Variants in UBN1 observed in about 807,000 individuals in gnomAD.
The protein encoded by UBN1 is ubinuclein 1, also known as ubinuclein-1.
A neutral mutation model predicts 108.5 loss-of-function variants in UBN1; 17 were observed. That is an observed-to-expected ratio of 0.16 (90% CI 0.11 to 0.24). The LOEUF (loss-of-function observed/expected upper bound fraction) is 0.24. Among genes scored for constraint, UBN1 ranks in the 10% least tolerant of loss-of-function variants. The pLI is 1.00. For synonymous variants in UBN1, 726 were observed against 564.2 expected (o/e 1.29, Z -4.07); for missense variants, 1,595 against 1,394.4 (o/e 1.14, Z -2.29).
Position 4,880,380 on chromosome 16 carries a change from AG to A in UBN1, c.*252del, listed in dbSNP as rs958733776. On this transcript the variant is annotated 3_prime_UTR_variant, in exon 18 of 18. Coordinates refer to ENST00000262376, the MANE Select transcript of UBN1 (RefSeq NM_001079514.3). ...AGCTCTGTCGCTAGACGGTTGTTAG[AG>A]GGGCAGCTCTAGGCTGGGGCTTGCG... The A allele has an allele frequency of 2.0e-4, 100 of 503,728 alleles. No individual in the cohort carries two copies. The highest frequency in any genetic ancestry group is 1.7e-3 in the African/African-American group (89 of 52,224). The allele number at this position is 503,728 out of a possible 1,614,324, so 31.2% of individuals were successfully genotyped here. A position where few individuals can be genotyped will look rare whatever the true frequency, so the allele number is the denominator to read the frequency against.
rs3210668 is a variant in UBN1, at chr16:4,881,038, G to A, written c.*906G>A. The stretch of plus-strand genomic sequence containing the variant: ...ATTATCTGTGCCGTCCTGACTAGAA[G>A]GTTGTCTGGGCCCCCAAATTCCAAG... On this transcript the variant is annotated 3_prime_UTR_variant, in exon 18 of 18. Transcript: ENST00000262376. 6.6e-6 allele frequency: 1 copy of A among 152,482 alleles called. No individual in the cohort carries two copies. The highest frequency in any genetic ancestry group is 1.9e-4 in the East Asian group (1 of 5,188). 9.4% of individuals were successfully genotyped at this position (152,482 alleles called of 1,614,324 possible). A position where few individuals can be genotyped will look rare whatever the true frequency, so the allele number is the denominator to read the frequency against.
At position 4,861,030 on chromosome 16, in the gene UBN1, A is replaced by T; in HGVS notation, c.1038A>T (p.Glu346Asp). Reference sequence around the variant, plus strand: ...CCCTTGGGGTGGGATTGGACCAGGAATTCAGGCAGCCCTCTTCTCTCCCCG... The same window carrying T: ...CCCTTGGGGTGGGATTGGACCAGGATTTCAGGCAGCCCTCTTCTCTCCCCG... ...SDSLGVGLDQ[E>D]FRQPSSLPEG... The change falls in exon 7 of 18, where the codon GAA (glutamate) becomes GAT (aspartate). Residue 346 changes from glutamate (E) to aspartate (D), a missense_variant. By Grantham distance (45) the Glu-to-Asp change is conservative (BLOSUM62 2). Transcript: ENST00000262376. The T allele has an allele frequency of 1.2e-6, 2 of 1,614,174 alleles. No individual in the cohort carries two copies. Among genetic ancestry groups the T allele is most frequent in the Non-Finnish European group, 1.7e-6 (2 of 1,180,044 alleles).
In UBN1 at chr16:4,875,011, C is replaced by T; in HGVS notation, c.2601C>T (p.Ala867=). The T allele has an allele frequency of 1.2e-6, 2 of 1,614,124 alleles. No individual in the cohort carries two copies. Among genetic ancestry groups the T allele is most frequent in the Non-Finnish European group, 1.7e-6 (2 of 1,180,046 alleles). Residue 867 remains alanine (A), a synonymous_variant, in exon 15 of 18, where the codon GCC becomes GCT. Coordinates refer to ENST00000262376, the MANE Select transcript of UBN1 (RefSeq NM_001079514.3). ...CAGCCACCTCAGGAGGCCTGTCAGC[C>T]TCCAGCAGCAGCTCTCACAAGACCC... The part of the protein sequence containing the change: ...SAPATSGGLS[A]SSSSSHKTPA...
In UBN1 at chr16:4,876,606, C is replaced by T. The variant is rs180691250; in HGVS notation, c.3025-265C>T. On this transcript the variant is annotated intron_variant, in intron 15 of 17. Coordinates refer to ENST00000262376, the MANE Select transcript of UBN1 (RefSeq NM_001079514.3). ...GCAGTAGCGCGATCACAGCTCACTG[C>T]AACCTCTGTAGGAGACATATTTAAT... 1.3e-3 allele frequency among the ~76,000 whole-genome samples: 196 copies of T among 152,060 alleles called. 1 individual carries two copies. Among genetic ancestry groups the T allele is most frequent in the Middle Eastern group, 6.8e-3 (2 of 294 alleles).
At chr16:4,876,270 A>G (rs2087880225) in intron 15 of UBN1, among the ~76,000 whole-genome samples, 1 of 152,032 alleles carries the variant, frequency 6.6e-6, no homozygotes, top group African/African-American at 2.4e-5. Flanking sequence ...TTTTTCTAAT[A>G]TATAAATGAA....
rs2088071627 is a variant in UBN1, at chr16:4,881,378, G to C, written c.*1246G>C. On this transcript the variant is annotated 3_prime_UTR_variant, in exon 18 of 18. Coordinates refer to ENST00000262376, the MANE Select transcript of UBN1 (RefSeq NM_001079514.3). ...GAGAGACTAGGACAGTTACTGCAGA[G>C]CTCCTAAGTCACCACTCAACCAGTG... is the stretch of plus-strand genomic sequence containing the variant. 6.6e-6 allele frequency: 1 copy of C among 152,304 alleles called. No individual in the cohort carries two copies. Among genetic ancestry groups the C allele is most frequent in the African/African-American group, 2.4e-5 (1 of 41,434 alleles). The allele number at this position is 152,304 out of a possible 1,614,324, so 9.4% of individuals were successfully genotyped here.
intron 7 of UBN1, among the ~76,000 whole-genome samples, chr16:4,865,013 C>G (rs1044904037): frequency 2.0e-5 from 3 of 152,182 alleles, no homozygotes; most frequent in African/African-American, 7.2e-5. Context: ...AATAAAACAG[C>G]TCATTAAAAG....
Position 4,870,265 on chromosome 16 carries a change from C to T in UBN1, c.1235C>T (p.Ala412Val). The change falls in exon 9 of 18, where the codon GCC (alanine) becomes GTC (valine). Residue 412 changes from alanine (A) to valine (V), a missense_variant. This residue lies in a region of UBN1 where 1,398 missense variants were observed against 1,194.7 expected (regional missense o/e 1.17). Transcript: ENST00000262376. The stretch of plus-strand genomic sequence containing the variant: ...AGTCAGGTCCGCTCTGGGGTGTATG[C>T]CTATCTTGCGTCATTCCTGCCCTGC... ...LSSQVRSGVY[A>V]YLASFLPCSK... 6.2e-7 allele frequency: 1 copy of T among 1,614,228 alleles called. No homozygotes were observed. Among genetic ancestry groups the T allele is most frequent in the Admixed American group, 1.7e-5 (1 of 60,030 alleles).
intron 7 of UBN1, among the ~76,000 whole-genome samples, chr16:4,867,860 C>T (rs373135453): frequency 6.6e-5 from 10 of 152,138 alleles, no homozygotes; most frequent in African/African-American, 1.9e-4. Flanking sequence ...TGTTTGCTGT[C>T]GTTACTGTAT....
At position 4,853,139 on chromosome 16, in the gene UBN1, G is replaced by A; in HGVS notation, c.222G>A (p.Lys74=). The change falls in exon 2 of 18, where the codon AAG becomes AAA. Residue 74 remains lysine, a synonymous_variant. Transcript: ENST00000262376. The part of the protein sequence containing the change: ...YPELVKNIRG[K]VKGLQPGDKK... ...AGCTGGTGAAGAATATCCGAGGGAAGGTAAAAGGCCTTCAGCCTGGAGATA... is the reference window on the plus strand; with the variant it reads ...AGCTGGTGAAGAATATCCGAGGGAAAGTAAAAGGCCTTCAGCCTGGAGATA... The A allele has an allele frequency of 6.2e-7, 1 of 1,614,230 alleles. No homozygotes were observed. The highest frequency in any genetic ancestry group is 1.3e-5 in the African/African-American group (1 of 75,062).
Position 4,868,910 on chromosome 16 carries a change from ATCG to A in UBN1, c.1181+10_1181+12del. ...TTAATGGAATCCTATTAGAGTGAGT[ATCG>A]TCTGTCTGTCTGTCTGTCTGTCTGT... On this transcript the variant is annotated splice_region_variant and intron_variant, in intron 8 of 17. Coordinates refer to ENST00000262376, the MANE Select transcript of UBN1 (RefSeq NM_001079514.3). 1 of 1,613,176 alleles carries A rather than the reference ATCG, an allele frequency of 6.2e-7. No individual in the cohort carries two copies. Among genetic ancestry groups the A allele is most frequent in the Non-Finnish European group, 8.5e-7 (1 of 1,179,344 alleles).
At chr16:4,864,023 G>A (rs2087195942) in intron 7 of UBN1, among the ~76,000 whole-genome samples, 1 of 151,786 alleles carries the variant, frequency 6.6e-6, no homozygotes, top group Non-Finnish European at 1.5e-5. Flanking sequence ...TCTTTGGGAG[G>A]AGAATTTCTT....
intron 1 of UBN1, among the ~76,000 whole-genome samples, chr16:4,850,238 A>T (rs76214824): frequency 1.3e-4 from 20 of 152,206 alleles, no homozygotes; most frequent in African/African-American, 3.9e-4. Flanking sequence ...GACTCACTTT[A>T]TCCTGTAGTC....
chr16:4,874,755 A>G lies in UBN1; in HGVS notation c.2345A>G (p.Lys782Arg). ...CCAGAAGTACATCAGTCCAAAGCTA[A>G]GCACCACAGCTTGCCACGGACGTCT... is the stretch of plus-strand genomic sequence containing the variant. ...GLPEVHQSKA[K>R]HHSLPRTSHG... is the part of the protein sequence containing the mutation. Residue 782 changes from lysine to arginine, a missense_variant, in exon 15 of 18, where the codon AAG (lysine) becomes AGG (arginine). Coordinates refer to ENST00000262376, the MANE Select transcript of UBN1 (RefSeq NM_001079514.3). 6.2e-7 allele frequency: 1 copy of G among 1,614,116 alleles called. No individual in the cohort carries two copies.
At chr16:4,852,350 G>C (rs2086599120) in intron 1 of UBN1, 1 of 153,066 alleles carries the variant, frequency 6.5e-6, no homozygotes, top group Non-Finnish European at 1.5e-5. Context: ...CACAGGGCAG[G>C]AGTGTGTAAC....
At chr16:4,872,298 G>A (rs2087681502) in intron 12 of UBN1, 1 of 985,270 alleles carries the variant, frequency 1.0e-6, no homozygotes, top group Non-Finnish European at 1.2e-6. Flanking sequence ...GGAAAGTGCT[G>A]TGCCCTTTAG....
Position 4,875,228 on chromosome 16 carries a change from C to G in UBN1, c.2818C>G (p.Pro940Ala). ...GAGCCTGGTCCCTGGCATACAGCCT[C>G]CCTCCGTGGGACAGGCCACCAGCCG... ...SGSLVPGIQP[P>A]SVGQATSRPV... The change falls in exon 15 of 18, where the codon CCC becomes GCC. Residue 940 changes from proline to alanine, a missense_variant. Coordinates refer to ENST00000262376, the MANE Select transcript of UBN1 (RefSeq NM_001079514.3). 6.2e-7 allele frequency: 1 copy of G among 1,614,220 alleles called. No homozygotes were observed. The highest frequency in any genetic ancestry group is 8.5e-7 in the Non-Finnish European group (1 of 1,180,052).
chr16:4,847,589 G>C lies in UBN1; in HGVS notation c.-661G>C. ...AGCGCGAGAGGGAGCCGGCCTCGCG[G>C]CTCGCCCCGCCCCCGGGTCTTGGAC... is the stretch of plus-strand genomic sequence containing the variant. On this transcript the variant is annotated 5_prime_UTR_variant, in exon 1 of 18. Transcript: ENST00000262376. 2.8e-6 allele frequency: 1 copy of C among 355,844 alleles called. No homozygotes were observed. The highest frequency in any genetic ancestry group is 3.7e-5 in the South Asian group (1 of 27,256). 22.0% of individuals were successfully genotyped at this position (355,844 alleles called of 1,614,324 possible).
At position 4,874,335 on chromosome 16, in the gene UBN1, C is replaced by T. The variant is rs2087780406; in HGVS notation, c.1925C>T (p.Pro642Leu). 4 of 1,614,190 alleles carry T rather than the reference C, an allele frequency of 2.5e-6. No individual in the cohort carries two copies. The highest frequency in any genetic ancestry group is 3.4e-6 in the Non-Finnish European group (4 of 1,180,040). The change falls in exon 15 of 18, where the codon CCA becomes CTA. Residue 642 changes from proline to leucine, a missense_variant. Physicochemically the swap from Pro to Leu is moderately conservative, Grantham distance 98. This residue lies in a region of UBN1 where 1,398 missense variants were observed against 1,194.7 expected (regional missense o/e 1.17). Coordinates refer to ENST00000262376, the MANE Select transcript of UBN1 (RefSeq NM_001079514.3). ...ATTGGGGCCTCGAGCAGGGAGCTCC[C>T]ATCCCAGGCATCGGGCGGCCTTGCT... is the stretch of plus-strand genomic sequence containing the variant. ...LSIGASSREL[P>L]SQASGGLANP...
Sources: gnomAD v4.1 joint callset for allele counts (sites outside exome capture counted in the v4.1 genomes callset) on GRCh38, gnomAD v4.1.1 for gene constraint, gnomAD v4.1.1 regional missense constraint, MANE v1.5 for transcripts, NCBI Gene and HGNC (gene_info 2026-07-23, HGNC 2026-07-21) for gene names.